USP32: variants seen among roughly 807,000 people sequenced by gnomAD.
USP32 encodes ubiquitin carboxyl-terminal hydrolase 32.
In USP32, 59 loss-of-function variants were observed where a neutral mutation model predicts 204.8. That is an observed-to-expected ratio of 0.29 (90% CI 0.23 to 0.36). USP32 has a LOEUF of 0.36. Among genes scored for constraint, USP32 ranks in the 10% least tolerant of loss-of-function variants. USP32 has a pLI of 1.00. For synonymous variants in USP32, 517 were observed against 678.4 expected, an observed-to-expected ratio of 0.76 and a Z score of 3.70; for missense variants, 1,160 against 1,946.4, an observed-to-expected ratio of 0.60 and a Z score of 7.60.
chr17:60,362,438 T>C (rs1375034148), intron 1 of USP32, among the ~76,000 whole-genome samples: 2 of 152,216 alleles, frequency 1.3e-5, no homozygotes, highest in Non-Finnish European at 2.9e-5. Context: ...AATATGCCAC[T>C]ATAAAATTAA....
At chr17:60,292,759 T>G (rs1269800789) in intron 4 of USP32, among the ~76,000 whole-genome samples, 2 of 149,156 alleles carry the variant, frequency 1.3e-5, no homozygotes, top group Admixed American at 1.3e-4. Context: ...CCACATAAGA[T>G]CCAAAGTGAT....
At chr17:60,414,792 T>C (rs1323862534) in intron 1 of USP32, among the ~76,000 whole-genome samples, 1 of 152,122 alleles carries the variant, frequency 6.6e-6, no homozygotes, top group Admixed American at 6.6e-5. Context: ...TTCTCCAGGC[T>C]AGCTAGGTGC....
intron 5 of USP32, among the ~76,000 whole-genome samples, chr17:60,288,152 G>A (rs550365272): frequency 7.3e-5 from 11 of 150,298 alleles, no homozygotes; most frequent in African/African-American, 2.7e-4. Context: ...TCTTGGCTGG[G>A]CACAGTGACT....
At chr17:60,262,226 T>C (rs2086471163) in intron 9 of USP32, among the ~76,000 whole-genome samples, 1 of 152,154 alleles carries the variant, frequency 6.6e-6, no homozygotes, top group African/African-American at 2.4e-5. Context: ...AGTTTCACTC[T>C]TGTTATTCAG....
intron 1 of USP32, among the ~76,000 whole-genome samples, chr17:60,414,309 G>C (rs1175172045): frequency 6.6e-6 from 1 of 151,390 alleles, no homozygotes; most frequent in Non-Finnish European, 1.5e-5. Context: ...GTTGCAGTGA[G>C]CTGAGATCAT....
intron 15 of USP32, 53 bp downstream of exon 15, chr17:60,222,356 A>C: frequency 6.4e-7 from 1 of 1,569,728 alleles, no homozygotes; most frequent in African/African-American, 1.4e-5. Context: ...AAAGTAACAG[A>C]AGACCCCCAT....
At chr17:60,207,323 C>T (rs893634207) in intron 24 of USP32, among the ~76,000 whole-genome samples, 191 bp from the exon 25 acceptor site, 3 of 152,126 alleles carry the variant, frequency 2.0e-5, no homozygotes, top group Non-Finnish European at 2.9e-5. Context: ...CCTCAATTTT[C>T]GAACTATTAT....
chr17:60,217,551 T>C (rs1309384076), intron 16 of USP32, among the ~76,000 whole-genome samples: 5 of 151,978 alleles, frequency 3.3e-5, no homozygotes, highest in Non-Finnish European at 5.9e-5. Context: ...AGCCTCGGCC[T>C]CCCAAAGTGC....
intron 27 of USP32, among the ~76,000 whole-genome samples, chr17:60,197,031 A>C (rs2084538650): frequency 6.6e-6 from 1 of 151,536 alleles, no homozygotes; most frequent in Non-Finnish European, 1.5e-5. Flanking sequence ...AAATACAAAA[A>C]TTAGCTGGGT....
chr17:60,313,743 A>C (rs1432849214), intron 2 of USP32, among the ~76,000 whole-genome samples: 1 of 152,080 alleles, frequency 6.6e-6, no homozygotes, highest in Non-Finnish European at 1.5e-5. Context: ...TCTATTCAAG[A>C]CTCACCATTA....
chr17:60,204,210 C>T (rs569369348), intron 26 of USP32, among the ~76,000 whole-genome samples: 64 of 152,232 alleles, frequency 4.2e-4, no homozygotes, highest in African/African-American at 1.5e-3. Flanking sequence ...AAAACCAACC[C>T]CAAAACAAAA....
rs560936535 is a variant in USP32 at position 60,356,418 on chromosome 17, T to G, written c.59-10810A>C. On this transcript the variant is annotated intron_variant, in intron 1 of 33. Transcript: ENST00000300896. ...CTCTCACTTTGGCTGACCTTAAACC[T>G]CCACACAAGCAGGAAGTGAAGGCTA... Among the ~76,000 whole-genome samples, 3 of 151,850 alleles carry G rather than the reference T, an allele frequency of 2.0e-5. No individual in the cohort carries two copies. The South Asian group carries it at 6.2e-4, about 32-fold the overall frequency.
In USP32 at chr17:60,392,089, G is replaced by C; in HGVS notation, c.-150C>G. 2.5e-6 allele frequency: 2 copies of C among 813,294 alleles called. No homozygotes were observed. The highest frequency in any genetic ancestry group is 1.8e-6 in the Non-Finnish European group (1 of 570,922). The allele number at this position is 813,294 out of a possible 1,614,324, so 50.4% of individuals were successfully genotyped here. A position where few individuals can be genotyped will look rare whatever the true frequency, so the allele number is the denominator to read the frequency against. On this transcript the variant is annotated 5_prime_UTR_variant, in exon 1 of 34. Transcript: ENST00000300896. Reference sequence around the variant, plus strand: ...CACTAACAAGTGCGGCTTCTGCCCCGGCGGCTCCTCCCGGTCGCCGCCACC... The same window carrying C: ...CACTAACAAGTGCGGCTTCTGCCCCCGCGGCTCCTCCCGGTCGCCGCCACC...
At chr17:60,274,203 T>C (rs1460812139) in intron 5 of USP32, among the ~76,000 whole-genome samples, 1 of 152,058 alleles carries the variant, frequency 6.6e-6, no homozygotes, top group East Asian at 1.9e-4. Flanking sequence ...CAGCCAATTA[T>C]AAACTAGACA....
At chr17:60,215,124 C>A (rs138849671) in intron 16 of USP32, among the ~76,000 whole-genome samples, 3 of 152,220 alleles carry the variant, frequency 2.0e-5, no homozygotes, top group Non-Finnish European at 4.4e-5. Flanking sequence ...CACGCCACCA[C>A]ATCTGGCTAA....
rs945775495 is a variant in USP32, at chr17:60,225,904, A to C, written c.1432+135T>G. 3 of 896,970 alleles carry C rather than the reference A, an allele frequency of 3.3e-6. No homozygotes were observed. The African/African-American group carries it at 5.3e-5, about 16-fold the overall frequency. 55.6% of individuals were successfully genotyped at this position (896,970 alleles called of 1,614,324 possible). The stretch of plus-strand genomic sequence containing the variant: ...AGAAGGTGGAGGTTGCAGTGAGCAG[A>C]GATCGCGCCACTGCGCTCCAGCCTG... On this transcript the variant is annotated intron_variant, in intron 13 of 33. Transcript: ENST00000300896.
chr17:60,415,854 T>G (rs1179886084), intron 1 of USP32, among the ~76,000 whole-genome samples: 3 of 152,176 alleles, frequency 2.0e-5, no homozygotes, highest in Admixed American at 6.6e-5. Context: ...TTGTTTGTTT[T>G]TTTGAGATTG....
chr17:60,289,893 A>T (rs909006514), intron 4 of USP32, among the ~76,000 whole-genome samples: 1 of 152,244 alleles, frequency 6.6e-6, no homozygotes, highest in African/African-American at 2.4e-5. Context: ...TGGTAGAAAC[A>T]TATCTACATT....
chr17:60,234,539 AAC>A (rs2085666591), intron 12 of USP32, among the ~76,000 whole-genome samples: 3 of 151,364 alleles, frequency 2.0e-5, no homozygotes, highest in African/African-American at 7.3e-5. Flanking sequence ...CATCCTGGCT[AAC>A]ACAGTGAAGC....
Sources: gnomAD v4.1 joint callset for allele counts (sites outside exome capture counted in the v4.1 genomes callset) on GRCh38, gnomAD v4.1.1 for gene constraint, MANE v1.5 for transcripts, NCBI Gene and HGNC (gene_info 2026-07-23, HGNC 2026-07-21) for gene names.